The following COL4A4 variants were observed in gnomAD, a reference collection of about 807,000 sequenced individuals.
The protein encoded by COL4A4 is collagen type IV alpha 4 chain.
In COL4A4, 105 loss-of-function variants were observed where a neutral mutation model predicts 192.9. That is an observed-to-expected ratio of 0.54 (90% confidence interval 0.46 to 0.64). The LOEUF (loss-of-function observed/expected upper bound fraction) is 0.64, where lower values mean the gene tolerates loss of function less well. COL4A4 is among the 30% of genes least tolerant of loss of function. The probability of loss-of-function intolerance (pLI) is 0.00; values close to 1 mark genes in which losing one functional copy is unlikely to be tolerated. For missense variants in COL4A4, 1,967 were observed against 2,169.3 expected (o/e 0.91, Z 1.85); for synonymous variants, 762 against 769.9 (o/e 0.99, Z 0.17).
intron 1 of COL4A4, among the ~76,000 whole-genome samples, chr2:227,151,993 G>A (rs1372004952): frequency 6.6e-6 from 1 of 152,218 alleles, no homozygotes; most frequent in African/African-American, 2.4e-5. Flanking sequence ...TATACCAAGA[G>A]TGAGATACTA....
intron 44 of COL4A4, among the ~76,000 whole-genome samples, chr2:227,016,914 C>T (rs1032456809): frequency 6.6e-6 from 1 of 152,152 alleles, no homozygotes; most frequent in African/African-American, 2.4e-5. Flanking sequence ...TGAGAGGAGC[C>T]CTGCCCTTCC....
At chr2:227,138,133 A>AAAT (rs35550127) in intron 4 of COL4A4, among the ~76,000 whole-genome samples, 50,541 of 146,940 alleles carry the variant, frequency 0.34, 9,167 homozygotes, top group Non-Finnish European at 0.42. Context: ...CCACCTCTAC[A>AAAT]AATAATAATA....
intron 43 of COL4A4, among the ~76,000 whole-genome samples, chr2:227,024,028 C>CA (rs111307267): frequency 0.079 from 11,734 of 148,876 alleles, 510 homozygotes; most frequent in East Asian, 0.18. Flanking sequence ...AAAAAACAAA[C>CA]AAAAAAAACC....
intron 19 of COL4A4, among the ~76,000 whole-genome samples, chr2:227,095,392 T>C (rs113991908): frequency 1.3e-5 from 2 of 152,220 alleles, no homozygotes; most frequent in African/African-American, 4.8e-5. Flanking sequence ...TTTAACTTAT[T>C]GAGCATTCTG....
intron 8 of COL4A4, 124 bp downstream of exon 8, chr2:227,114,504 G>T (rs777409133): frequency 1.1e-5 from 9 of 806,786 alleles, no homozygotes; most frequent in Non-Finnish European, 2.0e-5. Context: ...TGAGGGTCAG[G>T]GTAATGATAA....
intron 34 of COL4A4, 150 bp from the exon 35 acceptor site, chr2:227,047,699 T>A (rs1363780871): frequency 5.8e-5 from 36 of 615,500 alleles, no homozygotes; most frequent in South Asian, 4.8e-4. Flanking sequence ...TAAGAACAAA[T>A]AGAAATATAG....
the COL4A4 span, among the ~76,000 whole-genome samples, chr2:226,972,799 A>G: frequency 6.6e-6 from 1 of 152,014 alleles, no homozygotes; most frequent in African/African-American, 2.4e-5. Context: ...CATGAAGTCT[A>G]TTTGAAATGT....
the COL4A4 span, among the ~76,000 whole-genome samples, chr2:226,991,788 T>C: frequency 6.6e-6 from 1 of 152,124 alleles, no homozygotes; most frequent in Non-Finnish European, 1.5e-5. Flanking sequence ...TAATCACAGG[T>C]TGTCAAACTT....
At chr2:227,008,411 G>A in intron 46 of COL4A4, 107 bp from the exon 47 acceptor site, 1 of 1,288,096 alleles carries the variant, frequency 7.8e-7, no homozygotes, top group Non-Finnish European at 1.1e-6. Flanking sequence ...CTGAAATCTG[G>A]AGGCCCTCGC....
chr2:227,108,542 C>A, intron 12 of COL4A4, 39 bp downstream of exon 12: 3 of 1,596,568 alleles, frequency 1.9e-6, no homozygotes, highest in Non-Finnish European at 2.6e-6. Context: ...AGCACACACA[C>A]GTCACCATCT....
chr2:227,140,300 C>T lies in COL4A4; in HGVS notation c.115-62G>A, dbSNP rs186925656. ...TCATCGTTTAACTACGTGCATAACACATACATTATAACAAGCACTCTTGGT... is the reference window on the plus strand; with the variant it reads ...TCATCGTTTAACTACGTGCATAACATATACATTATAACAAGCACTCTTGGT... On this transcript the variant is annotated intron_variant, in intron 3 of 47. Coordinates refer to ENST00000396625, the MANE Select transcript of COL4A4 (RefSeq NM_000092.5). 1.4e-4 allele frequency: 192 copies of T among 1,356,342 alleles called. No individual in the cohort carries two copies. The East Asian group carries it at 3.1e-3, about 22-fold the overall frequency. The allele number at this position is 1,356,342 out of a possible 1,614,324, so 84.0% of individuals were successfully genotyped here.
chr2:227,132,497 C>T (rs185072361), intron 4 of COL4A4, among the ~76,000 whole-genome samples: 51 of 152,094 alleles, frequency 3.4e-4, no homozygotes, highest in Admixed American at 9.2e-4. Flanking sequence ...TGATAGAGGA[C>T]GAGTGCAGTG....
intron 17 of COL4A4, 44 bp from the exon 18 acceptor site, chr2:227,099,733 T>C: frequency 6.5e-7 from 1 of 1,548,580 alleles, no homozygotes; most frequent in South Asian, 1.1e-5. Context: ...ATATTAATTT[T>C]ACTCATGTTG....
rs1343894106 is a variant in COL4A4 at position 227,042,221 on chromosome 2, T to C, written c.3432A>G (p.Pro1144=). The C allele has an allele frequency of 6.2e-7, 1 of 1,613,798 alleles. No homozygotes were observed. Among genetic ancestry groups the C allele is most frequent in the South Asian group, 1.1e-5 (1 of 91,070 alleles). ...TTGGCCCAGGGTCTCCCATTTCTCC[T>C]GGCTGTCCCCTCAGCCCAGGCATCC... is the stretch of plus-strand genomic sequence containing the variant. ...DHGMPGLRGQ[P]GEMGDPGPRG... is the part of the protein sequence containing the mutation. Residue 1144 remains proline (P), a synonymous_variant, in exon 37 of 48, where the codon CCA becomes CCG. Coordinates refer to ENST00000396625, the MANE Select transcript of COL4A4 (RefSeq NM_000092.5).
chr2:227,153,457 T>C (rs1244816258), intron 1 of COL4A4, among the ~76,000 whole-genome samples: 1 of 152,184 alleles, frequency 6.6e-6, no homozygotes, highest in African/African-American at 2.4e-5. Flanking sequence ...CTCAGCTATG[T>C]GGAAGCATGA....
At chr2:227,091,459 T>G (rs935421458) in intron 20 of COL4A4, among the ~76,000 whole-genome samples, 5 of 149,242 alleles carry the variant, frequency 3.4e-5, no homozygotes, top group African/African-American at 7.4e-5. Context: ...ATTGATTTTC[T>G]GACAGATAGA....
At chr2:227,047,670 T>A in intron 34 of COL4A4, 121 bp from the exon 35 acceptor site, 4 of 688,838 alleles carry the variant, frequency 5.8e-6, no homozygotes, top group Non-Finnish European at 1.0e-5. Flanking sequence ...AGAGTGTTTT[T>A]AAATACTTTT....
chr2:227,033,998 G>A (rs975052540), intron 37 of COL4A4, among the ~76,000 whole-genome samples: 1 of 152,232 alleles, frequency 6.6e-6, no homozygotes, highest in Non-Finnish European at 1.5e-5. Context: ...GCCCTGCGAT[G>A]CTCAGGCCTG....
intron 7 of COL4A4, among the ~76,000 whole-genome samples, chr2:227,116,557 G>A (rs1318304544): frequency 6.6e-6 from 1 of 152,134 alleles, no homozygotes; most frequent in East Asian, 1.9e-4. Flanking sequence ...GAGGAAATCG[G>A]CCAATAATGA....
Sources: allele counts gnomAD v4.1 joint callset (sites outside exome capture counted in the v4.1 genomes callset), GRCh38; gene constraint gnomAD v4.1.1; transcripts MANE v1.5; gene names NCBI Gene and HGNC (gene_info 2026-07-23, HGNC 2026-07-21).